The following EML1 variants were observed in gnomAD, a reference collection of about 807,000 sequenced individuals.
EML1 encodes EMAP like 1.
EML1 carries 27 observed loss-of-function variants against 110.4 expected under a neutral mutation model. The ratio of observed to expected loss-of-function variants is 0.24; its 90% CI spans 0.18 to 0.34. The LOEUF is 0.34. Ranked by LOEUF, EML1 falls within the 10% of genes least tolerant of loss-of-function variation. The probability of loss-of-function intolerance (pLI) is 1.00; values close to 1 mark genes in which losing one functional copy is unlikely to be tolerated. For missense variants in EML1, 741 were observed against 1,030.9 expected (o/e 0.72, Z 3.85); for synonymous variants, 344 against 385.8 (o/e 0.89, Z 1.27).
chr14:99,849,527 GTGTATA>G (rs764605614), intron 1 of EML1, among the ~76,000 whole-genome samples: 36 of 143,052 alleles, frequency 2.5e-4, no homozygotes, highest in African/African-American at 7.4e-4. Flanking sequence ...GTGTGTGTGT[GTGTATA>G]TATATTTATT....
intron 1 of EML1, among the ~76,000 whole-genome samples, chr14:99,797,028 T>C (rs550006225): frequency 6.6e-6 from 1 of 152,136 alleles, no homozygotes; most frequent in East Asian, 1.9e-4. Flanking sequence ...TTCACAGAAT[T>C]GTCCAGTTGT....
intron 2 of EML1, among the ~76,000 whole-genome samples, chr14:99,852,003 A>G (rs1006236017): frequency 4.6e-5 from 7 of 152,212 alleles, no homozygotes; most frequent in Middle Eastern, 3.2e-3. Flanking sequence ...TAGCAAATTT[A>G]AGTCATCATT....
chr14:99,819,389 A>G (rs1176988536), intron 1 of EML1, among the ~76,000 whole-genome samples: 1 of 152,198 alleles, frequency 6.6e-6, no homozygotes, highest in African/African-American at 2.4e-5. Context: ...ATTACAGTTT[A>G]TATTTCCTTT....
At chr14:99,871,979 T>G (rs2059213442) in intron 3 of EML1, among the ~76,000 whole-genome samples, 1 of 152,186 alleles carries the variant, frequency 6.6e-6, no homozygotes, top group Non-Finnish European at 1.5e-5. Context: ...CGCACAGATT[T>G]CCAGGTCAGC....
intron 17 of EML1, among the ~76,000 whole-genome samples, chr14:99,925,725 C>T (rs555136030): frequency 2.0e-5 from 3 of 152,324 alleles, no homozygotes; most frequent in South Asian, 2.1e-4. Context: ...CACCCTTTTA[C>T]ATCTCCTCTA....
In EML1 at chr14:99,941,244, A is replaced by G. The variant is rs2060584212; in HGVS notation, c.*1132A>G. On this transcript the variant is annotated 3_prime_UTR_variant, in exon 22 of 22. Transcript: ENST00000262233. ...TGACAGATTGAAATTTATTGTTTAC[A>G]TTGGGGAATGTATCTCAAATTTTTA... 6.6e-6 allele frequency: 1 copy of G among 152,242 alleles called. No individual in the cohort carries two copies. The highest frequency in any genetic ancestry group is 1.5e-5 in the Non-Finnish European group (1 of 68,036). 9.4% of individuals were successfully genotyped at this position (152,242 alleles called of 1,614,324 possible).
chr14:99,822,549 T>C (rs1040930979), intron 1 of EML1, among the ~76,000 whole-genome samples: 5 of 152,232 alleles, frequency 3.3e-5, no homozygotes, highest in Non-Finnish European at 5.9e-5. Context: ...GTACTGCACC[T>C]TCTCTGTCTT....
chr14:99,913,213 G>T (rs1201200316), intron 13 of EML1, among the ~76,000 whole-genome samples: 1 of 151,852 alleles, frequency 6.6e-6, no homozygotes, highest in Non-Finnish European at 1.5e-5. Context: ...ACAGGGTCTG[G>T]CTCTGTCACC....
chr14:99,892,174 C>T (rs780213387), intron 5 of EML1: 18 of 985,402 alleles, frequency 1.8e-5, no homozygotes, highest in African/African-American at 3.5e-5. Flanking sequence ...ACAAGGGAAA[C>T]GCCGGGTGAC....
intron 17 of EML1, among the ~76,000 whole-genome samples, chr14:99,925,934 T>C (rs984962649): frequency 2.6e-5 from 4 of 152,172 alleles, no homozygotes; most frequent in African/African-American, 9.7e-5. Context: ...CCAGTGCTAC[T>C]ATTGCCCAGG....
chr14:99,812,693 C>T (rs1566878057), intron 1 of EML1, among the ~76,000 whole-genome samples: 1 of 152,128 alleles, frequency 6.6e-6, no homozygotes, highest in African/African-American at 2.4e-5. Context: ...AGCCTTCCTC[C>T]TCTGCAGGGT....
chr14:99,802,436 G>A (rs1470104337), intron 1 of EML1, among the ~76,000 whole-genome samples: 1 of 151,984 alleles, frequency 6.6e-6, no homozygotes, highest in Non-Finnish European at 1.5e-5. Context: ...AGGTAGGAGG[G>A]TAGAGGTGGG....
At chr14:99,738,875 G>T (rs974233022) in intron 1 of EML1, among the ~76,000 whole-genome samples, 3 of 152,154 alleles carry the variant, frequency 2.0e-5, no homozygotes, top group South Asian at 2.1e-4. Flanking sequence ...GCCACCGATT[G>T]TCGCTGGCAC....
intron 4 of EML1, 35 bp from the exon 5 acceptor site, chr14:99,891,164 A>G (rs746522425): frequency 3.1e-6 from 5 of 1,614,032 alleles, no homozygotes; most frequent in South Asian, 2.2e-5. Context: ...CACCCACAGC[A>G]CCCTTTAAAA....
At position 99,827,692 on chromosome 14, in the gene EML1, C is replaced by T. The variant is rs370776386; in HGVS notation, c.68-23161C>T. Among the ~76,000 whole-genome samples, 7 of 149,836 alleles carry T rather than the reference C, an allele frequency of 4.7e-5. No homozygotes were observed. Among genetic ancestry groups the T allele is most frequent in the Admixed American group, 3.3e-4 (5 of 15,092 alleles). On this transcript the variant is annotated intron_variant, in intron 1 of 21. Transcript: ENST00000262233. This position sits in a 1 kb window ranked among gnomAD's most constrained non-coding sequence, Gnocchi z 4.4. ...GGGCAACCACCTGAAAGGGAGAAGA[C>T]GGCCAGCGAGAGAGGCCTCAGAAGA...
At chr14:99,932,351 A>T (rs2060385647) in intron 17 of EML1, among the ~76,000 whole-genome samples, 1 of 152,136 alleles carries the variant, frequency 6.6e-6, no homozygotes, top group South Asian at 2.1e-4. Context: ...AAAAACAGAT[A>T]TGGGGGCCGG....
At chr14:99,793,154 C>T (rs1018780392), upstream of EML1, among the ~76,000 whole-genome samples, 1 of 148,392 alleles carries the variant, frequency 6.7e-6, no homozygotes, top group African/African-American at 2.4e-5. Flanking sequence ...GCCCCTGCGG[C>T]TCCCAGGCCG....
chr14:99,779,817 T>C (rs560632529), intron 1 of EML1, among the ~76,000 whole-genome samples: 1 of 152,328 alleles, frequency 6.6e-6, no homozygotes, highest in African/African-American at 2.4e-5. Context: ...TATGCCTTTG[T>C]GTAGAGAACC....
chr14:99,850,453 A>C, intron 1 of EML1: 1 of 804,830 alleles, frequency 1.2e-6, no homozygotes, highest in Non-Finnish European at 1.8e-6. Context: ...CCTGTCAGTT[A>C]ACATAATTGG....
Sources: allele counts gnomAD v4.1 joint callset (sites outside exome capture counted in the v4.1 genomes callset), GRCh38; gene constraint gnomAD v4.1.1; non-coding constraint Gnocchi (gnomAD v3.1); transcripts MANE v1.5; gene names NCBI Gene and HGNC (gene_info 2026-07-23, HGNC 2026-07-21).